The following DAPK1 variants were observed in gnomAD, a reference collection of about 807,000 sequenced individuals.
DAPK1 encodes death-associated protein kinase 1.
Under a neutral mutation model 144.9 loss-of-function variants are expected in DAPK1, and 56 were observed. That is an observed-to-expected ratio of 0.39 (90% CI 0.31 to 0.48). The LOEUF is 0.48. Ranked by LOEUF, DAPK1 falls within the 20% of genes least tolerant of loss-of-function variation. The pLI is 0.95. For missense variants in DAPK1, 1,454 were observed against 1,875.4 expected (o/e 0.78, Z 4.15); for synonymous variants, 690 against 749.0 (o/e 0.92, Z 1.29).
At chr9:87,681,219 G>A (rs577491725) in intron 19 of DAPK1, among the ~76,000 whole-genome samples, 185 bp from the exon 20 acceptor site, 24 of 151,870 alleles carry the variant, frequency 1.6e-4, no homozygotes, top group Admixed American at 8.5e-4. Flanking sequence ...CAGAGGTTGC[G>A]GTGAGCTGAG....
In DAPK1 at chr9:87,499,102, G is replaced by T; in HGVS notation, c.25G>T (p.Val9Leu). The stretch of plus-strand genomic sequence containing the variant: ...CATGACCGTGTTCAGGCAGGAAAAC[G>T]TGGATGATTACTACGACACCGGCGA... MTVFRQEN[V>L]DDYYDTGEEL... Residue 9 changes from valine (V) to leucine (L), a missense_variant, in exon 2 of 26, where the codon GTG (valine) becomes TTG (leucine). By Grantham distance (32) the Val-to-Leu change is conservative (BLOSUM62 1). This residue lies in a region of DAPK1 where 429 missense variants were observed against 637.5 expected (regional missense o/e 0.67). Coordinates refer to ENST00000408954, the MANE Select transcript of DAPK1 (RefSeq NM_004938.4). The T allele has an allele frequency of 6.2e-7, 1 of 1,614,122 alleles. No individual in the cohort carries two copies. The highest frequency in any genetic ancestry group is 8.5e-7 in the Non-Finnish European group (1 of 1,180,008).
intron 25 of DAPK1, among the ~76,000 whole-genome samples, chr9:87,705,210 CATTT>C (rs929184927): frequency 4.7e-5 from 7 of 148,826 alleles, no homozygotes; most frequent in African/African-American, 1.5e-4. Flanking sequence ...ATATAGGCTA[CATTT>C]ATTTATTTTT....
chr9:87,619,581 A>G (rs939100745), intron 3 of DAPK1, among the ~76,000 whole-genome samples: 1 of 152,192 alleles, frequency 6.6e-6, no homozygotes, highest in Non-Finnish European at 1.5e-5. Context: ...TACTCTAAGT[A>G]GTCCTCTCTC....
intron 2 of DAPK1, among the ~76,000 whole-genome samples, chr9:87,529,057 A>G (rs1007885555): frequency 1.4e-4 from 21 of 152,122 alleles, no homozygotes; most frequent in Admixed American, 2.6e-4. Context: ...CTGGCAGGCT[A>G]CTAAGCATGC....
At chr9:87,651,140 A>C (rs1204426196) in intron 16 of DAPK1, among the ~76,000 whole-genome samples, 1 of 152,232 alleles carries the variant, frequency 6.6e-6, no homozygotes, top group Admixed American at 6.5e-5. Context: ...TGCAAGGTAA[A>C]ATAATAGGCT....
chr9:87,602,276 G>C (rs544823847), intron 2 of DAPK1, among the ~76,000 whole-genome samples: 4 of 152,288 alleles, frequency 2.6e-5, no homozygotes, highest in Admixed American at 1.3e-4. Flanking sequence ...CATCCACACA[G>C]AGCCTTCCTA....
intron 2 of DAPK1, among the ~76,000 whole-genome samples, chr9:87,601,527 A>G (rs1461733379): frequency 1.3e-5 from 2 of 150,068 alleles, no homozygotes; most frequent in East Asian, 3.9e-4. Context: ...TTTTTGTCCT[A>G]TGAGGGCTCT....
chr9:87,636,372 G>A (rs922164832), intron 3 of DAPK1, among the ~76,000 whole-genome samples: 4 of 152,184 alleles, frequency 2.6e-5, no homozygotes, highest in Non-Finnish European at 5.9e-5. Flanking sequence ...CACCATCCCC[G>A]TAAACCAGTG....
intron 3 of DAPK1, among the ~76,000 whole-genome samples, chr9:87,617,740 C>G (rs1222694129): frequency 2.0e-5 from 3 of 152,214 alleles, no homozygotes; most frequent in Non-Finnish European, 4.4e-5. Context: ...ACAGTTGCTT[C>G]TCCAGTGGCC....
At chr9:87,616,992 C>A (rs1377206552) in intron 3 of DAPK1, among the ~76,000 whole-genome samples, 2 of 152,230 alleles carry the variant, frequency 1.3e-5, no homozygotes, top group African/African-American at 4.8e-5. Context: ...AAAGTAACTT[C>A]ACTCTGGGTT....
chr9:87,561,353 C>T (rs1186454063), intron 2 of DAPK1, among the ~76,000 whole-genome samples: 3 of 152,074 alleles, frequency 2.0e-5, no homozygotes, highest in East Asian at 1.9e-4. Flanking sequence ...GGTGAAACCT[C>T]GTCTCTCCTA....
intron 2 of DAPK1, among the ~76,000 whole-genome samples, chr9:87,529,269 C>T (rs1825626372): frequency 1.3e-5 from 2 of 152,310 alleles, no homozygotes; most frequent in Admixed American, 6.5e-5. Flanking sequence ...TGCTCTAAAA[C>T]TTGCCTCAGT....
At chr9:87,557,899 A>G (rs953671574) in intron 2 of DAPK1, among the ~76,000 whole-genome samples, 4 of 152,136 alleles carry the variant, frequency 2.6e-5, no homozygotes, top group Admixed American at 6.5e-5. Flanking sequence ...TGAGATGATG[A>G]CATTGCACTC....
chr9:87,693,972 T>C (rs752143308), intron 21 of DAPK1, among the ~76,000 whole-genome samples: 30 of 152,096 alleles, frequency 2.0e-4, no homozygotes, highest in Non-Finnish European at 4.0e-4. Context: ...GGGCTGAGCA[T>C]GCCTGTCCTT....
intron 17 of DAPK1, among the ~76,000 whole-genome samples, chr9:87,656,787 G>A (rs1160726097): frequency 1.3e-5 from 2 of 152,176 alleles, no homozygotes; most frequent in African/African-American, 2.4e-5. Flanking sequence ...CAAAGCAAGG[G>A]ACAGAGTGGG....
chr9:87,565,405 G>A (rs1251584475), intron 2 of DAPK1, among the ~76,000 whole-genome samples: 2 of 152,206 alleles, frequency 1.3e-5, no homozygotes, highest in South Asian at 2.1e-4. Flanking sequence ...AAGCAGAGGA[G>A]CTCGAGGGAT....
rs977642949 is a variant in DAPK1 at position 87,509,369 on chromosome 9, C to CT, written c.62+10239dup. The stretch of plus-strand genomic sequence containing the variant: ...GCACAGCCTGCCAGCATTTTCTTTT[C>CT]TTTTTTTTTGAAATGGAGTTTTCCT... On this transcript the variant is annotated intron_variant, in intron 2 of 25. Coordinates refer to ENST00000408954, the MANE Select transcript of DAPK1 (RefSeq NM_004938.4). Among the ~76,000 whole-genome samples the CT allele has an allele frequency of 9.9e-5, 15 of 151,214 alleles. No homozygotes were observed. In the South Asian group the frequency reaches 1.0e-3, roughly 11 times the overall value.
intron 2 of DAPK1, among the ~76,000 whole-genome samples, chr9:87,536,587 C>T (rs535830211): frequency 6.6e-6 from 1 of 152,118 alleles, no homozygotes; most frequent in East Asian, 1.9e-4. Flanking sequence ...AATTAAAGCA[C>T]TTAAAATACT....
chr9:87,519,652 A>G (rs1056984242), intron 2 of DAPK1, among the ~76,000 whole-genome samples: 6 of 152,122 alleles, frequency 3.9e-5, no homozygotes, highest in Admixed American at 1.3e-4. Flanking sequence ...TGTCTGGGAC[A>G]CAGGGATGGC....
Sources: gnomAD v4.1 joint callset for allele counts (sites outside exome capture counted in the v4.1 genomes callset) on GRCh38, gnomAD v4.1.1 for gene constraint, gnomAD v4.1.1 regional missense constraint, MANE v1.5 for transcripts, NCBI Gene and HGNC (gene_info 2026-07-23, HGNC 2026-07-21) for gene names.